RAB5C: variants seen among roughly 807,000 people sequenced by gnomAD.
The protein encoded by RAB5C is RAB5C, member RAS oncogene family, also known as ras-related protein Rab-5C.
Under a neutral mutation model 25.2 loss-of-function variants are expected in RAB5C, and 4 were observed. The ratio of observed to expected loss-of-function variants is 0.16; its 90% confidence interval spans 0.08 to 0.36. RAB5C has a LOEUF of 0.36. Among genes scored for constraint, RAB5C ranks in the 10% least tolerant of loss-of-function variants. The pLI, the probability that RAB5C is intolerant of heterozygous loss-of-function variation, is 1.00. For synonymous variants in RAB5C, 100 were observed against 106.4 expected, an observed-to-expected ratio of 0.94 and a Z score of 0.37; for missense variants, 199 against 283.8, an observed-to-expected ratio of 0.70 and a Z score of 2.15.
At chr17:42,141,950 G>T (rs1428080692) in intron 1 of RAB5C, among the ~76,000 whole-genome samples, 2 of 151,898 alleles carry the variant, frequency 1.3e-5, no homozygotes, top group African/African-American at 2.4e-5. Flanking sequence ...CAGTTTCCCG[G>T]GACTCCATTC....
intron 4 of RAB5C, 38 bp from the exon 5 acceptor site, chr17:42,126,886 T>C: frequency 2.9e-6 from 4 of 1,381,608 alleles, no homozygotes; most frequent in Non-Finnish European, 4.1e-6. Flanking sequence ...GAGAGGGAAA[T>C]GTTGGCAGGG....
rs200061838 is a variant in RAB5C, at chr17:42,125,848, G to C, written c.586C>G (p.Arg196Gly). The change falls in exon 6 of 6, where the codon CGA becomes GGA. Residue 196 changes from arginine to glycine, a missense_variant. Physicochemically the swap from Arg to Gly is moderately radical, Grantham distance 125. Around this residue, in one of 3 missense-constraint regions of RAB5C, gnomAD observed 154 missense variants for 199.6 expected, o/e 0.77. Transcript: ENST00000346213. ...EPQNATGAPG[R>G]NRGVDLQENN... Reference sequence around the variant, plus strand: ...TCCTGGAGGTCCACACCTCGGTTTCGGCCTGGAGCACCAGTTGCATTCTGG... The same window carrying C: ...TCCTGGAGGTCCACACCTCGGTTTCCGCCTGGAGCACCAGTTGCATTCTGG... 451 of 1,611,886 alleles carry C rather than the reference G, an allele frequency of 2.8e-4. 1 individual carries two copies. The highest frequency in any genetic ancestry group is 9.9e-4 in the Middle Eastern group (6 of 6,062).
chr17:42,147,106 CAGAA>C (rs909129542), intron 1 of RAB5C, among the ~76,000 whole-genome samples: 39 of 146,016 alleles, frequency 2.7e-4, no homozygotes, highest in African/African-American at 4.3e-4. Flanking sequence ...GAAGGAAAGA[CAGAA>C]AGAAAGAAAG....
At chr17:42,137,584 AAAT>A (rs2054549740) in intron 1 of RAB5C, among the ~76,000 whole-genome samples, 1 of 152,136 alleles carries the variant, frequency 6.6e-6, no homozygotes, top group African/African-American at 2.4e-5. Context: ...AGTATGAAGA[AAAT>A]AATATTAAAG....
At chr17:42,140,041 G>A (rs895010166) in intron 1 of RAB5C, among the ~76,000 whole-genome samples, 5 of 152,104 alleles carry the variant, frequency 3.3e-5, no homozygotes, top group African/African-American at 4.8e-5. Flanking sequence ...TCTTCCCCCC[G>A]TCTCAAAAGG....
intron 1 of RAB5C, among the ~76,000 whole-genome samples, chr17:42,143,079 GTAT>G (rs1443048374): frequency 6.6e-6 from 1 of 152,224 alleles, no homozygotes; most frequent in East Asian, 1.9e-4. Context: ...GGTAAGAGCA[GTAT>G]GAATGGGTGA....
At chr17:42,127,243 TATC>T (rs888732238) in intron 4 of RAB5C, among the ~76,000 whole-genome samples, 2 of 152,176 alleles carry the variant, frequency 1.3e-5, no homozygotes, top group Admixed American at 6.5e-5. Context: ...GGTAAAAAAT[TATC>T]ATATACAGTA....
At chr17:42,148,249 T>C (rs2079648990) in intron 1 of RAB5C, among the ~76,000 whole-genome samples, 1 of 150,902 alleles carries the variant, frequency 6.6e-6, no homozygotes, top group South Asian at 2.1e-4. Flanking sequence ...CTACTAAAAA[T>C]ACAAAACTAG....
intron 1 of RAB5C, chr17:42,131,767 T>C (rs1253901239): frequency 8.8e-6 from 6 of 683,268 alleles, no homozygotes; most frequent in Non-Finnish European, 1.4e-5. Flanking sequence ...CTCAACTTTT[T>C]GTTTTTGTTA....
At position 42,125,156 on chromosome 17, in the gene RAB5C, G is replaced by A. The variant is rs1373915852; in HGVS notation, c.*627C>T. 6.7e-6 allele frequency: 1 copy of A among 148,260 alleles called. No homozygotes were observed. Among genetic ancestry groups the A allele is most frequent in the African/African-American group, 2.5e-5 (1 of 40,402 alleles). 9.2% of individuals were successfully genotyped at this position (148,260 alleles called of 1,614,324 possible). ...GGTCAGAACAGGGCTCAGAGCCAGAGGTTGGGGTGACCGAGGGTGGAGGGG... is the reference window on the plus strand; with the variant it reads ...GGTCAGAACAGGGCTCAGAGCCAGAAGTTGGGGTGACCGAGGGTGGAGGGG... On this transcript the variant is annotated 3_prime_UTR_variant, in exon 6 of 6. Transcript: ENST00000346213.
At chr17:42,132,117 G>T (rs1002120362) in intron 1 of RAB5C, among the ~76,000 whole-genome samples, 1 of 152,292 alleles carries the variant, frequency 6.6e-6, no homozygotes. Flanking sequence ...GAAGCAAATG[G>T]TCCACATTCA....
chr17:42,126,224 C>G (rs2054421531), intron 5 of RAB5C, among the ~76,000 whole-genome samples: 2 of 152,150 alleles, frequency 1.3e-5, no homozygotes, highest in South Asian at 4.2e-4. Flanking sequence ...GCTACAGGCT[C>G]AGAGAGTGAA....
intron 1 of RAB5C, among the ~76,000 whole-genome samples, chr17:42,144,978 A>AAAG (rs2079624960): frequency 4.0e-5 from 5 of 124,748 alleles, no homozygotes; most frequent in Admixed American, 2.9e-4. Context: ...AAAAAAAAAA[A>AAAG]AAGAAACCCC....
At chr17:42,133,984 C>A (rs1317407632) in intron 1 of RAB5C, among the ~76,000 whole-genome samples, 1 of 152,134 alleles carries the variant, frequency 6.6e-6, no homozygotes, top group Non-Finnish European at 1.5e-5. Context: ...GCAGGCACAC[C>A]CAGCACTTTT....
At chr17:42,141,686 G>A (rs1003163169) in intron 1 of RAB5C, among the ~76,000 whole-genome samples, 1 of 152,150 alleles carries the variant, frequency 6.6e-6, no homozygotes, top group African/African-American at 2.4e-5. Flanking sequence ...AGTTCTGGAG[G>A]CACCACTTAC....
intron 1 of RAB5C, chr17:42,154,535 G>C (rs1284187639): frequency 6.6e-6 from 1 of 152,252 alleles, no homozygotes; most frequent in Non-Finnish European, 1.5e-5. Context: ...AACGGCGACA[G>C]ACAGCACTCC....
intron 4 of RAB5C, 42 bp from the exon 5 acceptor site, chr17:42,126,890 G>A (rs1019805256): frequency 7.3e-7 from 1 of 1,371,494 alleles, no homozygotes; most frequent in Non-Finnish European, 1.0e-6. Flanking sequence ...GGGAAATGTT[G>A]GCAGGGGCCA....
At chr17:42,140,501 ATATATATATATATATTTTTTTTTTTT>A (rs1416024137) in intron 1 of RAB5C, among the ~76,000 whole-genome samples, 8 of 51,022 alleles carry the variant, frequency 1.6e-4, no homozygotes, top group African/African-American at 8.6e-4. Context: ...ATATATATAT[ATATATATATATATATTTTTTTTTTTT>A]TTTTTTTTTT....
intron 1 of RAB5C, chr17:42,154,612 A>T (rs560491849): frequency 6.6e-6 from 1 of 152,438 alleles, no homozygotes; most frequent in Non-Finnish European, 1.5e-5. Flanking sequence ...CGATTCTGGA[A>T]GCAGGGGGAG....
Sources: allele counts gnomAD v4.1 joint callset (sites outside exome capture counted in the v4.1 genomes callset), GRCh38; gene constraint gnomAD v4.1.1; regional missense constraint gnomAD v4.1.1; transcripts MANE v1.5; gene names NCBI Gene and HGNC (gene_info 2026-07-23, HGNC 2026-07-21).